The following ANO2 variants were observed in gnomAD, a reference collection of about 807,000 sequenced individuals.
ANO2 encodes the protein anoctamin-2.
Under a neutral mutation model 124.2 loss-of-function variants are expected in ANO2, and 101 were observed. The ratio of observed to expected loss-of-function variants is 0.81; its 90% CI spans 0.69 to 0.96. The LOEUF is 0.96. ANO2 is among the 40% of genes least tolerant of loss of function. ANO2 has a pLI of 0.00. For missense variants in ANO2, 1,293 were observed against 1,274.5 expected, an observed-to-expected ratio of 1.01 and a Z score of -0.22; for synonymous variants, 486 against 482.5, an observed-to-expected ratio of 1.01 and a Z score of -0.09.
intron 20 of ANO2, among the ~76,000 whole-genome samples, chr12:5,589,865 G>A (rs988722224): frequency 1.1e-4 from 16 of 152,100 alleles, no homozygotes; most frequent in Non-Finnish European, 2.4e-4. Flanking sequence ...ACATGGAGAA[G>A]GACCTAGGAT....
At position 5,612,177 on chromosome 12, in the gene ANO2, G is replaced by A. The variant is rs553286597; in HGVS notation, c.2087+479C>T. The stretch of plus-strand genomic sequence containing the variant: ...CTATGACATTTTCATAAAACCCTGG[G>A]GAGCATAGGGGGGAATCCACATGAT... On this transcript the variant is annotated intron_variant, in intron 19 of 24. Coordinates refer to ENST00000682330, the MANE Select transcript of ANO2 (RefSeq NM_001364791.2). Among the ~76,000 whole-genome samples the A allele has an allele frequency of 1.4e-4, 22 of 152,206 alleles. No homozygotes were observed. In the South Asian group the frequency reaches 4.6e-3, roughly 32 times the overall value.
At chr12:5,628,931 T>G (rs1470672537) in intron 16 of ANO2, among the ~76,000 whole-genome samples, 1 of 152,134 alleles carries the variant, frequency 6.6e-6, no homozygotes, top group Non-Finnish European at 1.5e-5. Flanking sequence ...TGGTATGAGG[T>G]GGGCCCTCAA....
chr12:5,694,238 G>C (rs886842391), intron 14 of ANO2, among the ~76,000 whole-genome samples: 2 of 91,046 alleles, frequency 2.2e-5, no homozygotes, highest in African/African-American at 8.7e-5. Context: ...TTAGCAGAAG[G>C]GTTTACCAGA....
chr12:5,667,090 C>T (rs1246392134), intron 14 of ANO2, among the ~76,000 whole-genome samples: 2 of 152,184 alleles, frequency 1.3e-5, no homozygotes, highest in African/African-American at 2.4e-5. Flanking sequence ...GGAAGGAGGA[C>T]ACCCGGAAGC....
intron 14 of ANO2, among the ~76,000 whole-genome samples, chr12:5,685,542 G>A (rs1948667486): frequency 6.6e-6 from 1 of 152,208 alleles, no homozygotes; most frequent in African/African-American, 2.4e-5. Flanking sequence ...CCCAACATTT[G>A]GGAGGCAGAG....
intron 7 of ANO2, among the ~76,000 whole-genome samples, chr12:5,811,593 G>C (rs566792647): frequency 6.6e-6 from 1 of 152,280 alleles, no homozygotes; most frequent in South Asian, 2.1e-4. Flanking sequence ...CCATAAAAAA[G>C]CAACAATAAC....
intron 14 of ANO2, among the ~76,000 whole-genome samples, chr12:5,713,039 G>A (rs777807792): frequency 2.2e-4 from 34 of 152,184 alleles, no homozygotes; most frequent in Non-Finnish European, 4.3e-4. Flanking sequence ...TCTGCATTCT[G>A]GATGGATACC....
At chr12:5,827,514 A>G (rs1953997302) in intron 7 of ANO2, among the ~76,000 whole-genome samples, 1 of 152,158 alleles carries the variant, frequency 6.6e-6, no homozygotes, top group Admixed American at 6.5e-5. Context: ...CAGGGAAAAG[A>G]GAAAGAGAAA....
rs75452138 is a variant in ANO2 at position 5,886,440 on chromosome 12, T to A, written c.535-32299A>T. On this transcript the variant is annotated intron_variant, in intron 3 of 24. Coordinates refer to ENST00000682330, the MANE Select transcript of ANO2 (RefSeq NM_001364791.2). ...TGAGGGGAAATGGAGAGTTGTTGAA[T>A]GGGCATAAAGTTTAGGTTATGTTAG... Among the ~76,000 whole-genome samples, 1,186 of 152,322 alleles carry A rather than the reference T, an allele frequency of 7.8e-3. 15 individuals are homozygous for A. Among genetic ancestry groups the A allele is most frequent in the African/African-American group, 0.026 (1,097 of 41,574 alleles).
chr12:5,892,117 T>A (rs987575451), intron 3 of ANO2, among the ~76,000 whole-genome samples: 1 of 151,636 alleles, frequency 6.6e-6, no homozygotes, highest in Non-Finnish European at 1.5e-5. Flanking sequence ...ATTTTATAAT[T>A]AAAAAATAAA....
intron 24 of ANO2, chr12:5,564,476 G>A: frequency 6.6e-6 from 1 of 152,644 alleles, no homozygotes; most frequent in Non-Finnish European, 1.5e-5. Context: ...GCTGCCAGTT[G>A]CACGCTCACA....
intron 10 of ANO2, among the ~76,000 whole-genome samples, chr12:5,766,233 A>T (rs1951884754): frequency 6.6e-6 from 1 of 152,200 alleles, no homozygotes; most frequent in African/African-American, 2.4e-5. Flanking sequence ...ACATATGTGC[A>T]CCAAAAGACA....
intron 1 of ANO2, among the ~76,000 whole-genome samples, chr12:5,942,040 A>G (rs1942915505): frequency 6.6e-6 from 1 of 152,122 alleles, no homozygotes; most frequent in Non-Finnish European, 1.5e-5. Flanking sequence ...AAGGGAAAGG[A>G]TAACAAATGG....
In ANO2 at chr12:5,919,986, C is replaced by T. The variant is rs1447069779; in HGVS notation, c.534+1054G>A. On this transcript the variant is annotated intron_variant, in intron 3 of 24. Coordinates refer to ENST00000682330, the MANE Select transcript of ANO2 (RefSeq NM_001364791.2). ...TGCTGGGATTACAGGCGTGAGTCAC[C>T]GCGCCTGGCAAGGGAAGGTCATTTT... 3.3e-5 allele frequency among the ~76,000 whole-genome samples: 5 copies of T among 150,926 alleles called. No individual in the cohort carries two copies. In the East Asian group the frequency reaches 5.9e-4, roughly 18 times the overall value.
At chr12:5,649,174 G>A (rs1171555199) in intron 14 of ANO2, among the ~76,000 whole-genome samples, 3 of 152,158 alleles carry the variant, frequency 2.0e-5, no homozygotes, top group Non-Finnish European at 2.9e-5. Flanking sequence ...GTTATCTTGG[G>A]AGCGAGCCTG....
At chr12:5,627,866 G>A (rs1945496411) in intron 16 of ANO2, among the ~76,000 whole-genome samples, 2 of 152,194 alleles carry the variant, frequency 1.3e-5, no homozygotes, top group African/African-American at 4.8e-5. Context: ...GCTGAGGCAG[G>A]AGAATCACTT....
chr12:5,861,963 C>G (rs1040625387), intron 3 of ANO2, among the ~76,000 whole-genome samples: 3 of 152,284 alleles, frequency 2.0e-5, no homozygotes, highest in South Asian at 4.1e-4. Context: ...CTGAGACAGG[C>G]CTCCCATCTG....
chr12:5,584,835 C>T (rs17787462), intron 20 of ANO2, among the ~76,000 whole-genome samples: 19 of 152,188 alleles, frequency 1.2e-4, no homozygotes, highest in Non-Finnish European at 2.4e-4. Context: ...GAAGCCTTGA[C>T]AGAAACATAA....
chr12:5,765,151 A>G (rs1288444836), intron 10 of ANO2, among the ~76,000 whole-genome samples: 1 of 152,226 alleles, frequency 6.6e-6, no homozygotes, highest in Non-Finnish European at 1.5e-5. Flanking sequence ...AGAAAGAAAA[A>G]GAATTATACC....
Sources: gnomAD v4.1 joint callset for allele counts (sites outside exome capture counted in the v4.1 genomes callset) on GRCh38, gnomAD v4.1.1 for gene constraint, MANE v1.5 for transcripts, NCBI Gene and HGNC (gene_info 2026-07-23, HGNC 2026-07-21) for gene names.